The following DHX34 variants were observed in gnomAD, a reference collection of about 807,000 sequenced individuals.
DHX34 encodes DExH-box helicase 34, also known as probable ATP-dependent RNA helicase DHX34.
In DHX34, 96 loss-of-function variants were observed where a neutral mutation model predicts 111.1. The ratio of observed to expected loss-of-function variants is 0.86; its 90% confidence interval spans 0.73 to 1.02. The LOEUF (loss-of-function observed/expected upper bound fraction) is 1.02, where lower values mean the gene tolerates loss of function less well. Ranked by LOEUF, DHX34 falls within the 50% of genes least tolerant of loss-of-function variation. DHX34 has a pLI of 0.00. For missense variants in DHX34, 1,560 were observed against 1,579.9 expected (o/e 0.99, Z 0.21); for synonymous variants, 688 against 670.4 (o/e 1.03, Z -0.41).
Position 47,355,298 on chromosome 19 carries a change from A to G in DHX34, c.965A>G (p.Tyr322Cys), listed in dbSNP as rs1969424485. Residue 322 changes from tyrosine to cysteine, a missense_variant, in exon 3 of 17, where the codon TAT (tyrosine) becomes TGT (cysteine). Tyr to Cys is a radical substitution (Grantham distance 194). Coordinates refer to ENST00000328771, the MANE Select transcript of DHX34 (RefSeq NM_014681.6). ...ATCAACATCTCGCTCTTCTCCAGCTATTTCAGCAATGCCCCTGTGGTACAG... is the reference window on the plus strand; with the variant it reads ...ATCAACATCTCGCTCTTCTCCAGCTGTTTCAGCAATGCCCCTGTGGTACAG... ...ATINISLFSS[Y>C]FSNAPVVQVP... 8 of 1,614,028 alleles carry G rather than the reference A, an allele frequency of 5.0e-6. No individual in the cohort carries two copies. The highest frequency in any genetic ancestry group is 6.8e-6 in the Non-Finnish European group (8 of 1,179,990).
At chr19:47,374,339 AAGC>A (rs776796348) in intron 9 of DHX34, among the ~76,000 whole-genome samples, 89 of 151,700 alleles carry the variant, frequency 5.9e-4, no homozygotes, top group Non-Finnish European at 8.2e-4. Context: ...TGGGAGGCTG[AAGC>A]AGGAGAGTCG....
chr19:47,362,431 G>A (rs761458651), intron 5 of DHX34, 45 bp from the exon 6 acceptor site: 5 of 1,473,346 alleles, frequency 3.4e-6, no homozygotes, highest in African/African-American at 2.9e-5. Flanking sequence ...CCAGCTGCAC[G>A]TGGCTGCCAC....
In DHX34 at chr19:47,362,701, A is replaced by G. The variant is rs775436603; in HGVS notation, c.1593+8A>G. 11 of 1,607,150 alleles carry G rather than the reference A, an allele frequency of 6.8e-6. No individual in the cohort carries two copies. In the African/African-American group the frequency reaches 1.5e-4, roughly 22 times the overall value. ...GACTCGTTGGTGCTGCAGGTGAGGC[A>G]TGGGCAGAAAGGGGACTATATCCTA... On this transcript the variant is annotated splice_region_variant and intron_variant, in intron 6 of 16. Transcript: ENST00000328771.
chr19:47,365,180 A>C (rs1183244036), intron 6 of DHX34, among the ~76,000 whole-genome samples: 1 of 151,952 alleles, frequency 6.6e-6, no homozygotes, highest in African/African-American at 2.4e-5. Flanking sequence ...ATTTAAAAAA[A>C]CCCCAGGCCC....
intron 7 of DHX34, among the ~76,000 whole-genome samples, chr19:47,369,636 G>A (rs1297070141): frequency 2.0e-5 from 3 of 152,196 alleles, no homozygotes; most frequent in Non-Finnish European, 2.9e-5. Flanking sequence ...TGCAGGGCAC[G>A]GTGGGCACAG....
Position 47,375,596 on chromosome 19 carries a change from C to CG in DHX34, c.2199dup (p.Arg734AlafsTer18). ...CTGAAACGCCAGCACGAGGAGGGCGCGGGGCGCAGGCGCAAGGTGCTGCGG... is the reference window on the plus strand; with the variant it reads ...CTGAAACGCCAGCACGAGGAGGGCGCGGGGGCGCAGGCGCAAGGTGCTGCGG... On this transcript the variant is annotated frameshift_variant, in exon 10 of 17. Transcript: ENST00000328771. LOFTEE classifies it high-confidence loss of function. The CG allele has an allele frequency of 6.5e-7, 1 of 1,546,908 alleles. No individual in the cohort carries two copies. The highest frequency in any genetic ancestry group is 8.7e-7 in the Non-Finnish European group (1 of 1,149,436).
Position 47,382,046 on chromosome 19 carries a change from A to T in DHX34, c.3365A>T (p.Glu1122Val). 6.2e-7 allele frequency: 1 copy of T among 1,614,142 alleles called. No individual in the cohort carries two copies. The highest frequency in any genetic ancestry group is 8.5e-7 in the Non-Finnish European group (1 of 1,180,014). The change falls in exon 17 of 17, where the codon GAG becomes GTG. Residue 1122 changes from glutamate (E) to valine (V), a missense_variant. Transcript: ENST00000328771. ...GTCCTGCAGAGGCCCTACCACTGCG[A>T]GGCCTGCGGGAAGGACTTCCTCTTT... ...TSVLQRPYHC[E>V]ACGKDFLFTP...
chr19:47,381,338 T>C lies in DHX34; in HGVS notation c.3298+14T>C. On this transcript the variant is annotated intron_variant, in intron 16 of 16. Transcript: ENST00000328771. Reference sequence around the variant, plus strand: ...ATGGGCCCCCAGGTAAGCACAGGACTGTGGGGACCCGGCCACCTCTGCCCA... The same window carrying C: ...ATGGGCCCCCAGGTAAGCACAGGACCGTGGGGACCCGGCCACCTCTGCCCA... 2 of 1,606,254 alleles carry C rather than the reference T, an allele frequency of 1.2e-6. No individual in the cohort carries two copies. The highest frequency in any genetic ancestry group is 1.7e-6 in the Non-Finnish European group (2 of 1,175,044).
chr19:47,358,034 G>GAGGC lies in DHX34; in HGVS notation c.1187_1190dup (p.Ala398GlyfsTer31). ...CATGGCGGAGATCAGCGCCGTGCTG[G>GAGGC]AGGCTGCCCAGACCTATGCCAGCCA... On this transcript the variant is annotated frameshift_variant, in exon 4 of 17. Coordinates refer to ENST00000328771, the MANE Select transcript of DHX34 (RefSeq NM_014681.6). LOFTEE classifies it high-confidence loss of function. 1 of 1,613,388 alleles carries GAGGC rather than the reference G, an allele frequency of 6.2e-7. No individual in the cohort carries two copies. Among genetic ancestry groups the GAGGC allele is most frequent in the Non-Finnish European group, 8.5e-7 (1 of 1,180,016 alleles).
At chr19:47,374,862 T>C (rs1453572712) in intron 9 of DHX34, among the ~76,000 whole-genome samples, 2 of 152,084 alleles carry the variant, frequency 1.3e-5, no homozygotes. Context: ...GCACGCACAA[T>C]CTCCTGTGTC....
chr19:47,373,611 C>CGGAGCAGAAACTCTCGCA lies in DHX34; in HGVS notation c.1976_1993dup (p.Arg659_Arg664dup). On this transcript the variant is annotated inframe_insertion, in exon 9 of 17. Transcript: ENST00000328771. The stretch of plus-strand genomic sequence containing the variant: ...CTCCTCCACCCAGGTGAAATCTGAA[C>CGGAGCAGAAACTCTCGCA]GGAGCAGAAACTCTCGCAAGTGGTG... 18 of 1,613,748 alleles carry CGGAGCAGAAACTCTCGCA rather than the reference C, an allele frequency of 1.1e-5. No individual in the cohort carries two copies. The highest frequency in any genetic ancestry group is 1.5e-5 in the Non-Finnish European group (18 of 1,179,898).
chr19:47,375,926 T>C lies in DHX34; in HGVS notation c.2310T>C (p.Asp770=), dbSNP rs1568405506. The change falls in exon 11 of 17, where the codon GAT becomes GAC. Residue 770 remains aspartate, a splice_region_variant and synonymous_variant. Transcript: ENST00000328771. ...PGASDGVDIQ[D]VKFKLRHDLA... ...CTGCCTCCCCGTGCTCCCCCCAGGATGTGAAGTTCAAGCTTCGGCATGACC... is the reference window on the plus strand; with the variant it reads ...CTGCCTCCCCGTGCTCCCCCCAGGACGTGAAGTTCAAGCTTCGGCATGACC... The C allele has an allele frequency of 1.2e-6, 2 of 1,600,916 alleles. No homozygotes were observed. Among genetic ancestry groups the C allele is most frequent in the Non-Finnish European group, 8.5e-7 (1 of 1,176,836 alleles).
rs372859268 is a variant in DHX34, at chr19:47,353,529, T to A, written c.499T>A (p.Tyr167Asn). The A allele has an allele frequency of 4.1e-5, 66 of 1,613,546 alleles. No homozygotes were observed. The African/African-American group carries it at 7.9e-4, about 19-fold the overall frequency. ...RERAALPIAQ[Y>N]GNRILQTLKE... ...GCGGGCAGCCCTCCCCATCGCCCAGTATGGGAACCGCATCCTGCAGACGCT... is the reference window on the plus strand; with the variant it reads ...GCGGGCAGCCCTCCCCATCGCCCAGAATGGGAACCGCATCCTGCAGACGCT... The change falls in exon 2 of 17, where the codon TAT (tyrosine) becomes AAT (asparagine). Residue 167 changes from tyrosine to asparagine, a missense_variant. Physicochemically the swap from Tyr to Asn is moderately radical, Grantham distance 143 (BLOSUM62 -2). Coordinates refer to ENST00000328771, the MANE Select transcript of DHX34 (RefSeq NM_014681.6). This position sits in a 1 kb window ranked among gnomAD's most constrained non-coding sequence, Gnocchi z 4.6.
chr19:47,361,012 T>C (rs950193028), intron 5 of DHX34, among the ~76,000 whole-genome samples: 1 of 152,136 alleles, frequency 6.6e-6, no homozygotes, highest in African/African-American at 2.4e-5. Flanking sequence ...TCACTTTCTG[T>C]CTTCCTGACT....
chr19:47,366,837 G>A (rs1434947675), intron 6 of DHX34, 144 bp from the exon 7 acceptor site: 1 of 1,352,302 alleles, frequency 7.4e-7, no homozygotes, highest in Non-Finnish European at 9.6e-7. Flanking sequence ...GCCTTTCAAA[G>A]TGCTGGGATT....
intron 6 of DHX34, among the ~76,000 whole-genome samples, chr19:47,363,013 C>G (rs1283144317): frequency 6.6e-6 from 1 of 151,984 alleles, no homozygotes. Flanking sequence ...TGCAGTGGTG[C>G]GATCTCGGCT....
At chr19:47,359,461 C>CAA (rs112009015) in intron 4 of DHX34, among the ~76,000 whole-genome samples, 2 of 110,942 alleles carry the variant, frequency 1.8e-5, no homozygotes. Flanking sequence ...GATCCTGTCT[C>CAA]AAAAAAAAAA....
At chr19:47,354,641 A>C (rs564440142) in intron 2 of DHX34, among the ~76,000 whole-genome samples, 1 of 151,642 alleles carries the variant, frequency 6.6e-6, no homozygotes, top group East Asian at 1.9e-4. Context: ...ATTTGCTTAG[A>C]TTTTCTTTTT....
rs145968127 is a variant in DHX34, at chr19:47,363,475, A to G, written c.1593+782A>G. Among the ~76,000 whole-genome samples, 1,181 of 152,190 alleles carry G rather than the reference A, an allele frequency of 7.8e-3. 21 individuals carry two copies. Among genetic ancestry groups the G allele is most frequent in the African/African-American group, 0.027 (1,114 of 41,536 alleles). On this transcript the variant is annotated intron_variant, in intron 6 of 16. Transcript: ENST00000328771. ...CTAGCCAAGCCACTGAGGGGAACCCATCCCTTCCAAATGTCAAAACCCTTG... is the reference window on the plus strand; with the variant it reads ...CTAGCCAAGCCACTGAGGGGAACCCGTCCCTTCCAAATGTCAAAACCCTTG...
Sources: allele counts gnomAD v4.1 joint callset (sites outside exome capture counted in the v4.1 genomes callset), GRCh38; gene constraint gnomAD v4.1.1; non-coding constraint Gnocchi (gnomAD v3.1); transcripts MANE v1.5; gene names NCBI Gene and HGNC (gene_info 2026-07-23, HGNC 2026-07-21).